NKD2: variants seen among roughly 807,000 people sequenced by gnomAD.
The protein encoded by NKD2 is protein naked cuticle homolog 2.
NKD2 carries 43 observed loss-of-function variants against 34.8 expected under a neutral mutation model. The ratio of observed to expected loss-of-function variants is 1.24; its 90% confidence interval spans 0.97 to 1.60. The LOEUF (loss-of-function observed/expected upper bound fraction) is 1.60, where lower values mean the gene tolerates loss of function less well. Among genes scored for constraint, NKD2 ranks in the 40% most tolerant of loss-of-function variants. NKD2 has a pLI of 0.00. For missense variants in NKD2, 675 were observed against 627.1 expected (o/e 1.08, Z -0.82); for synonymous variants, 278 against 265.1 (o/e 1.05, Z -0.47).
intron 3 of NKD2, among the ~76,000 whole-genome samples, chr5:1,031,048 T>G (rs990677496): frequency 6.6e-6 from 1 of 152,070 alleles, no homozygotes; most frequent in African/African-American, 2.4e-5. Context: ...CACCATACCC[T>G]GTTTGGACCC....
At chr5:1,030,074 C>T (rs1226273114) in intron 3 of NKD2, among the ~76,000 whole-genome samples, 1 of 152,152 alleles carries the variant, frequency 6.6e-6, no homozygotes, top group African/African-American at 2.4e-5. Flanking sequence ...TGCACCCTCC[C>T]CACATCCCAG....
chr5:1,037,674 G>A lies in NKD2; in HGVS notation c.788-131G>A, dbSNP rs1371919548. 3.3e-6 allele frequency: 5 copies of A among 1,537,140 alleles called. No individual in the cohort carries two copies. The East Asian group carries it at 7.3e-5, about 22-fold the overall frequency. On this transcript the variant is annotated intron_variant, in intron 9 of 9. Transcript: ENST00000296849. ...CAGGGCTGGTGGCCGTCTGACTGCA[G>A]ACTTGGCTAACAGACTGGCCTCAGG...
intron 3 of NKD2, among the ~76,000 whole-genome samples, chr5:1,023,444 C>A (rs1579258779): frequency 6.8e-5 from 1 of 14,798 alleles, no homozygotes; most frequent in Non-Finnish European, 3.6e-4. Flanking sequence ...TCTTCCCACC[C>A]TCTGTGGGCG....
chr5:1,037,387 C>T (rs570311946), intron 9 of NKD2: 45 of 802,746 alleles, frequency 5.6e-5, no homozygotes, highest in South Asian at 3.6e-4. Context: ...CTACAGGGCT[C>T]GCACTGCACG....
rs1354145015 is a variant in NKD2, at chr5:1,038,764, G to C, written c.*391G>C. 2.2e-6 allele frequency: 1 copy of C among 465,036 alleles called. No individual in the cohort carries two copies. Among genetic ancestry groups the C allele is most frequent in the African/African-American group, 2.0e-5 (1 of 50,766 alleles). 28.8% of individuals were successfully genotyped at this position (465,036 alleles called of 1,614,324 possible). A position where few individuals can be genotyped will look rare whatever the true frequency, so the allele number is the denominator to read the frequency against. ...GGGCTTCAAGGGGTGACTGCTGTAG[G>C]CTGTCCCAGTGCGAGGCCGGGAGCG... On this transcript the variant is annotated 3_prime_UTR_variant, in exon 10 of 10. Coordinates refer to ENST00000296849, the MANE Select transcript of NKD2 (RefSeq NM_033120.4). The surrounding 1 kb of genome is among the most constrained non-coding windows in gnomAD (Gnocchi z 4.5).
chr5:1,009,211 GA>G lies in NKD2; in HGVS notation c.60del (p.Asp22ThrfsTer150). 1 of 536,712 alleles carries G rather than the reference GA, an allele frequency of 1.9e-6. No individual in the cohort carries two copies. The highest frequency in any genetic ancestry group is 3.3e-6 in the Non-Finnish European group (1 of 303,422). The allele number at this position is 536,712 out of a possible 1,614,324, so 33.2% of individuals were successfully genotyped here. ...AAARKRRESP[E>X]GDSFVASAYA... The stretch of plus-strand genomic sequence containing the variant: ...CGCCCGCAAGCGGAGAGAGAGCCCG[GA>G]AGGTGAGCGGGCGAGCCGACGGGCG... On this transcript the variant is annotated frameshift_variant and splice_region_variant, in exon 2 of 10. Coordinates refer to ENST00000296849, the MANE Select transcript of NKD2 (RefSeq NM_033120.4). LOFTEE classifies it high-confidence loss of function. This position sits in a 1 kb window ranked among gnomAD's most constrained non-coding sequence, Gnocchi z 6.9.
chr5:1,031,894 T>C (rs1756657844), intron 3 of NKD2, among the ~76,000 whole-genome samples: 1 of 152,056 alleles, frequency 6.6e-6, no homozygotes, highest in Non-Finnish European at 1.5e-5. Flanking sequence ...ACTGAAGGGG[T>C]CATTCCAGGC....
chr5:1,026,726 C>T (rs145798871), intron 3 of NKD2, among the ~76,000 whole-genome samples: 228 of 152,370 alleles, frequency 1.5e-3, no homozygotes, highest in African/African-American at 5.2e-3. Context: ...GAGCCACCTG[C>T]CAGGCACTCA....
chr5:1,038,021 A>G lies in NKD2; in HGVS notation c.1004A>G (p.Lys335Arg). ...GAGAAGCAGTTCCTCAAGTCCCCCA[A>G]GGGCTCCGGGAAGCCGCCTGGGGTG... is the stretch of plus-strand genomic sequence containing the variant. The part of the protein sequence containing the change: ...GPEKQFLKSP[K>R]GSGKPPGVPA... Residue 335 changes from lysine (K) to arginine (R), a missense_variant, in exon 10 of 10, where the codon AAG becomes AGG. Transcript: ENST00000296849. The surrounding 1 kb of genome is among the most constrained non-coding windows in gnomAD (Gnocchi z 4.5). 6 of 1,608,826 alleles carry G rather than the reference A, an allele frequency of 3.7e-6. No individual in the cohort carries two copies. Among genetic ancestry groups the G allele is most frequent in the Non-Finnish European group, 4.2e-6 (5 of 1,178,938 alleles).
chr5:1,017,404 G>A (rs1433841252), intron 3 of NKD2, among the ~76,000 whole-genome samples: 1 of 152,270 alleles, frequency 6.6e-6, no homozygotes, highest in Non-Finnish European at 1.5e-5. Flanking sequence ...GCCAGCCCCA[G>A]ACAGAGCTGG....
chr5:1,036,973 A>G (rs1734002173), intron 9 of NKD2: 1 of 349,380 alleles, frequency 2.9e-6, no homozygotes. Flanking sequence ...GGCAGTGTGG[A>G]CAGCGAGCAG....
chr5:1,013,946 C>T (rs999382034), intron 3 of NKD2, among the ~76,000 whole-genome samples: 5 of 152,154 alleles, frequency 3.3e-5, no homozygotes, highest in South Asian at 2.1e-4. Context: ...GAGCACAGAG[C>T]GTCCCTGCCA....
At chr5:1,031,012 T>C (rs1756624568) in intron 3 of NKD2, among the ~76,000 whole-genome samples, 3 of 151,888 alleles carry the variant, frequency 2.0e-5, no homozygotes, top group African/African-American at 7.3e-5. Flanking sequence ...AGTTCTGGGG[T>C]GGCAGCTGGC....
Position 1,029,882 on chromosome 5 carries a change from G to A in NKD2, c.142-2270G>A, listed in dbSNP as rs77950962. On this transcript the variant is annotated intron_variant, in intron 3 of 9. Transcript: ENST00000296849. ...TTTAGCAAGGAGTGCTGTACGCGCTGGCCCTCAGGCCCCAGGGCACCTCAC... is the reference window on the plus strand; with the variant it reads ...TTTAGCAAGGAGTGCTGTACGCGCTAGCCCTCAGGCCCCAGGGCACCTCAC... Among the ~76,000 whole-genome samples, 627 of 152,264 alleles carry A rather than the reference G, an allele frequency of 4.1e-3. 5 individuals carry two copies. The highest frequency in any genetic ancestry group is 0.014 in the African/African-American group (593 of 41,540).
At position 1,010,488 on chromosome 5, in the gene NKD2, G is replaced by A. The variant is rs573040452; in HGVS notation, c.141+928G>A. On this transcript the variant is annotated intron_variant, in intron 3 of 9. Transcript: ENST00000296849. ...CTGGGTGTGTTTGGAGACATTTTCT[G>A]CAGCTCTGTCTTGAGAAGGGGCTTA... Among the ~76,000 whole-genome samples, 11 of 152,300 alleles carry A rather than the reference G, an allele frequency of 7.2e-5. No individual in the cohort carries two copies. The South Asian group carries it at 2.3e-3, about 32-fold the overall frequency.
chr5:1,021,264 T>G (rs1200468675), intron 3 of NKD2, among the ~76,000 whole-genome samples: 1 of 152,072 alleles, frequency 6.6e-6, no homozygotes, highest in Non-Finnish European at 1.5e-5. Flanking sequence ...TCCGTCTGAA[T>G]GTATCTAGGG....
At chr5:1,035,298 A>ATGAG (rs369511358) in intron 7 of NKD2, 91 bp from the exon 8 acceptor site, 43,704 of 981,008 alleles carry the variant, frequency 0.045, 1,596 homozygotes, top group African/African-American at 0.091. Context: ...GAATGAATGA[A>ATGAG]TGAGTGAGTG....
Position 1,036,384 on chromosome 5 carries a change from G to T in NKD2, c.787G>T (p.Gly263Trp), listed in dbSNP as rs770302023. Reference protein sequence around the residue: ...IENYTSRFGPGSPPVQAKQEP... With the variant: ...IENYTSRFGPWSPPVQAKQEP... ...GAACTACACGTCCAGATTCGGCCCTGGTAGGTCCTGGAGGCCACCCTGGGC... is the reference window on the plus strand; with the variant it reads ...GAACTACACGTCCAGATTCGGCCCTTGTAGGTCCTGGAGGCCACCCTGGGC... The change falls in exon 9 of 10, where the codon GGG becomes TGG. Residue 263 changes from glycine to tryptophan, a missense_variant and splice_region_variant. Coordinates refer to ENST00000296849, the MANE Select transcript of NKD2 (RefSeq NM_033120.4). The T allele has an allele frequency of 3.9e-5, 63 of 1,611,302 alleles. No individual in the cohort carries two copies. The highest frequency in any genetic ancestry group is 5.3e-5 in the Non-Finnish European group (63 of 1,179,014).
chr5:1,014,170 C>T (rs1239353398), intron 3 of NKD2, among the ~76,000 whole-genome samples: 2 of 152,226 alleles, frequency 1.3e-5, no homozygotes, highest in Non-Finnish European at 2.9e-5. Context: ...GGTGCTGCTC[C>T]GTCCTCCTTC....
Sources: allele counts gnomAD v4.1 joint callset (sites outside exome capture counted in the v4.1 genomes callset), GRCh38; gene constraint gnomAD v4.1.1; non-coding constraint Gnocchi (gnomAD v3.1); transcripts MANE v1.5; gene names NCBI Gene and HGNC (gene_info 2026-07-23, HGNC 2026-07-21).